Variants in RDH13 observed in about 807,000 individuals in gnomAD.
RDH13 encodes retinol dehydrogenase 13.
Under a neutral mutation model 28.3 loss-of-function variants are expected in RDH13, and 35 were observed. The ratio of observed to expected loss-of-function variants is 1.24; its 90% confidence interval spans 0.95 to 1.64. The LOEUF is 1.64. Ranked by LOEUF, RDH13 falls within the 40% of genes most tolerant of loss-of-function variation. The probability of loss-of-function intolerance (pLI) is 0.00; values close to 1 mark genes in which losing one functional copy is unlikely to be tolerated. For missense variants in RDH13, 514 were observed against 446.3 expected (o/e 1.15, Z -1.37); for synonymous variants, 229 against 198.5 (o/e 1.15, Z -1.29).
intron 3 of RDH13, among the ~76,000 whole-genome samples, chr19:55,054,797 C>G (rs1568713838): frequency 6.6e-6 from 1 of 150,808 alleles, no homozygotes; most frequent in Non-Finnish European, 1.5e-5. Context: ...AGGCTGGTCT[C>G]TAACTCCTGA....
downstream of RDH13, chr19:55,042,189 T>C (rs73615837): frequency 6.7e-6 from 1 of 149,632 alleles, no homozygotes; most frequent in African/African-American, 2.5e-5. Context: ...TAAAAACCAC[T>C]TCCTTTGCTC....
chr19:55,052,266 G>C (rs963602716), intron 3 of RDH13, among the ~76,000 whole-genome samples: 1 of 151,800 alleles, frequency 6.6e-6, no homozygotes, highest in African/African-American at 2.4e-5. Context: ...AAAGTAGCCG[G>C]GCATGGTGGC....
At chr19:55,058,767 G>A (rs2075717503) in intron 2 of RDH13, among the ~76,000 whole-genome samples, 1 of 152,054 alleles carries the variant, frequency 6.6e-6, no homozygotes, top group South Asian at 2.1e-4. Flanking sequence ...TGCAACCCCT[G>A]CCTCTCAGGT....
chr19:55,047,438 GCT>G lies in RDH13; in HGVS notation c.707_708del (p.Glu236AlafsTer65). On this transcript the variant is annotated frameshift_variant, in exon 6 of 7. Transcript: ENST00000415061. LOFTEE classifies it high-confidence loss of function. ...NALHPGVART[E>X]LGRHTGIHGS... is the part of the protein sequence containing the mutation. ...CCATGGATGCCCGTGTGTCTGCCCA[GCT>G]CTGTCCTGGCCACGCCGGGGTGCAG... The G allele has an allele frequency of 6.2e-6, 10 of 1,611,140 alleles. No homozygotes were observed. Among genetic ancestry groups the G allele is most frequent in the Non-Finnish European group, 8.5e-6 (10 of 1,179,926 alleles).
chr19:55,041,068 G>A (rs12983313), downstream of RDH13: 70,466 of 152,028 alleles, frequency 0.46, 16,797 homozygotes, highest in East Asian at 0.58. Flanking sequence ...AGAAGTTGCA[G>A]TGAGCCGAGA....
At chr19:55,062,241 C>T (rs995044717) in intron 1 of RDH13, among the ~76,000 whole-genome samples, 4 of 152,180 alleles carry the variant, frequency 2.6e-5, no homozygotes, top group African/African-American at 7.2e-5. Context: ...CTGCCCACCA[C>T]ACCCATGTCC....
At chr19:55,056,280 G>A (rs1408061649) in intron 3 of RDH13, among the ~76,000 whole-genome samples, 2 of 151,990 alleles carry the variant, frequency 1.3e-5, no homozygotes, top group Non-Finnish European at 2.9e-5. Context: ...CCTGGCCAAC[G>A]TGGTGAAACC....
At chr19:55,050,061 A>G (rs1428252426) in intron 3 of RDH13, among the ~76,000 whole-genome samples, 1 of 151,218 alleles carries the variant, frequency 6.6e-6, no homozygotes, top group Non-Finnish European at 1.5e-5. Flanking sequence ...AACTCAAGCA[A>G]TCCTCCTGCT....
intron 1 of RDH13, 73 bp from the exon 2 acceptor site, chr19:55,059,348 C>T: frequency 1.0e-6 from 1 of 968,252 alleles, no homozygotes; most frequent in Non-Finnish European, 1.6e-6. Context: ...TGAATGATCT[C>T]AGGCAACCTT....
intron 3 of RDH13, chr19:55,051,041 C>T (rs1212801429): frequency 1.3e-5 from 2 of 151,732 alleles, no homozygotes; most frequent in Admixed American, 1.3e-4. Flanking sequence ...AATAACATCA[C>T]CTGCCTGGTA....
chr19:55,047,067 C>T (rs1345441429), intron 6 of RDH13: 1 of 1,184,776 alleles, frequency 8.4e-7, no homozygotes, highest in Non-Finnish European at 1.1e-6. Context: ...AGCTCTTCCC[C>T]AGGAGGTGCA....
chr19:55,053,377 T>C (rs73059038), intron 3 of RDH13, among the ~76,000 whole-genome samples: 22,117 of 152,012 alleles, frequency 0.15, 1,853 homozygotes, highest in African/African-American at 0.22. Flanking sequence ...CTAGAGAGGC[T>C]GGGCGTGGTG....
At chr19:55,068,791 G>T (rs1417856497) in intron 1 of RDH13, 1 of 130,108 alleles carries the variant, frequency 7.7e-6, no homozygotes, top group East Asian at 2.4e-4. Flanking sequence ...AGCCGAGATC[G>T]CGCCACTGCA....
intron 1 of RDH13, among the ~76,000 whole-genome samples, chr19:55,061,233 T>C (rs1361595491): frequency 6.6e-6 from 1 of 152,138 alleles, no homozygotes; most frequent in Non-Finnish European, 1.5e-5. Context: ...GTTCAAGCGA[T>C]TCTCCTGCCT....
chr19:55,054,781 C>T (rs1250929870), intron 3 of RDH13, among the ~76,000 whole-genome samples: 1 of 150,578 alleles, frequency 6.6e-6, no homozygotes, highest in African/African-American at 2.5e-5. Context: ...TCTCACTATG[C>T]TTCCTAGGCT....
rs1375679597 is a variant in RDH13 at position 55,044,671 on chromosome 19, C to G, written c.*403G>C. ...AGGACCATGCATGCACAAGGTCCCACAGGGACCCAAGAATCCACCAAGTGT... is the reference window on the plus strand; with the variant it reads ...AGGACCATGCATGCACAAGGTCCCAGAGGGACCCAAGAATCCACCAAGTGT... On this transcript the variant is annotated 3_prime_UTR_variant, in exon 7 of 7. Coordinates refer to ENST00000415061, the MANE Select transcript of RDH13 (RefSeq NM_001145971.2). 11 of 211,288 alleles carry G rather than the reference C, an allele frequency of 5.2e-5. No homozygotes were observed. Among genetic ancestry groups the G allele is most frequent in the Non-Finnish European group, 8.4e-5 (9 of 107,124 alleles). 13.1% of individuals were successfully genotyped at this position (211,288 alleles called of 1,614,324 possible). A position where few individuals can be genotyped will look rare whatever the true frequency, so the allele number is the denominator to read the frequency against.
intron 3 of RDH13, among the ~76,000 whole-genome samples, chr19:55,052,812 C>T (rs1280851193): frequency 6.6e-6 from 1 of 152,000 alleles, no homozygotes; most frequent in Non-Finnish European, 1.5e-5. Context: ...AGGTGCCCGC[C>T]ACCACGCCCG....
At position 55,062,967 on chromosome 19, in the gene RDH13, C is replaced by T; in HGVS notation, c.65+1G>A. ...CGCACGCGGGGCTAGAATGTACTCA[C>T]TTGAGCAGCACGGCGGCGCCTGCTA... is the stretch of plus-strand genomic sequence containing the variant. On this transcript the variant is annotated splice_donor_variant, in intron 1 of 6. Transcript: ENST00000415061. LOFTEE classifies it high-confidence loss of function. The T allele has an allele frequency of 6.7e-7, 1 of 1,482,696 alleles. No homozygotes were observed. The highest frequency in any genetic ancestry group is 8.9e-7 in the Non-Finnish European group (1 of 1,120,102). The allele number at this position is 1,482,696 out of a possible 1,614,324, so 91.8% of individuals were successfully genotyped here. A position where few individuals can be genotyped will look rare whatever the true frequency, so the allele number is the denominator to read the frequency against.
rs1470084291 is a variant in RDH13, at chr19:55,059,138, A to G, written c.184+19T>C. On this transcript the variant is annotated intron_variant, in intron 2 of 6. Coordinates refer to ENST00000415061, the MANE Select transcript of RDH13 (RefSeq NM_001145971.2). The stretch of plus-strand genomic sequence containing the variant: ...ATGTACAGATATCTCTCTGAGAGCC[A>G]AAGCAGGGGAGATTTTACCTCTCCT... 1 of 1,492,152 alleles carries G rather than the reference A, an allele frequency of 6.7e-7. No homozygotes were observed. The highest frequency in any genetic ancestry group is 1.2e-5 in the South Asian group (1 of 83,746). The allele number at this position is 1,492,152 out of a possible 1,614,324, so 92.4% of individuals were successfully genotyped here.
Sources: gnomAD v4.1 joint callset for allele counts (sites outside exome capture counted in the v4.1 genomes callset) on GRCh38, gnomAD v4.1.1 for gene constraint, MANE v1.5 for transcripts, NCBI Gene and HGNC (gene_info 2026-07-23, HGNC 2026-07-21) for gene names.